The following EIF2A variants were observed in gnomAD, a reference collection of about 807,000 sequenced individuals.
EIF2A encodes 65 kDa eukaryotic translation initiation factor 2A.
Under a neutral mutation model 75.2 loss-of-function variants are expected in EIF2A, and 62 were observed. The observed-to-expected ratio is 0.82, with a 90% CI of 0.67 to 1.02. EIF2A has a LOEUF of 1.02. Ranked by LOEUF, EIF2A falls within the 50% of genes least tolerant of loss-of-function variation. The pLI is 0.00. For synonymous variants in EIF2A, 207 were observed against 239.0 expected, an observed-to-expected ratio of 0.87 and a Z score of 1.23; for missense variants, 611 against 677.7, an observed-to-expected ratio of 0.90 and a Z score of 1.09.
chr3:150,572,753 A>G (rs1434321925), intron 10 of EIF2A, among the ~76,000 whole-genome samples: 2 of 151,466 alleles, frequency 1.3e-5, no homozygotes, highest in African/African-American at 4.8e-5. Flanking sequence ...CTACTCGGGA[A>G]GCTGAGGCAG....
chr3:150,556,318 A>C (rs1723568811), intron 2 of EIF2A, among the ~76,000 whole-genome samples: 1 of 152,148 alleles, frequency 6.6e-6, no homozygotes, highest in African/African-American at 2.4e-5. Flanking sequence ...TCTTCTACGA[A>C]AGTTAAAAAA....
intron 9 of EIF2A, among the ~76,000 whole-genome samples, chr3:150,569,516 G>A (rs1724385032): frequency 6.6e-6 from 1 of 152,020 alleles, no homozygotes; most frequent in Admixed American, 6.6e-5. Context: ...GAAGAGCAGG[G>A]CAGGGGAAGT....
intron 1 of EIF2A, among the ~76,000 whole-genome samples, chr3:150,547,483 G>A (rs909900856): frequency 6.6e-6 from 1 of 152,184 alleles, no homozygotes; most frequent in African/African-American, 2.4e-5. Context: ...AGTGTTGGAG[G>A]AGATAATAAA....
chr3:150,569,387 T>C (rs552047474), intron 9 of EIF2A, among the ~76,000 whole-genome samples: 60 of 151,894 alleles, frequency 4.0e-4, no homozygotes, highest in African/African-American at 1.3e-3. Context: ...ATTTCTCTCT[T>C]GTCAGTCTAA....
intron 2 of EIF2A, among the ~76,000 whole-genome samples, chr3:150,555,296 G>A (rs1482421278): frequency 6.6e-6 from 1 of 151,606 alleles, no homozygotes; most frequent in Admixed American, 6.6e-5. Flanking sequence ...CACTCTTGTT[G>A]CCCAGGCTGG....
At position 150,573,836 on chromosome 3, in the gene EIF2A, T is replaced by C. The variant is rs190515188; in HGVS notation, c.1383+1307T>C. ...GGGGTTCGTCCCTCACAGAAAAAAGTTTTTTATAAGTAAAAATTTATATAT... is the reference window on the plus strand; with the variant it reads ...GGGGTTCGTCCCTCACAGAAAAAAGCTTTTTATAAGTAAAAATTTATATAT... On this transcript the variant is annotated intron_variant, in intron 10 of 13. Coordinates refer to ENST00000460851, the MANE Select transcript of EIF2A (RefSeq NM_032025.5). Among the ~76,000 whole-genome samples, 388 of 152,178 alleles carry C rather than the reference T, an allele frequency of 2.5e-3. 2 individuals carry two copies. The highest frequency in any genetic ancestry group is 0.023 in the Admixed American group (356 of 15,276).
intron 1 of EIF2A, among the ~76,000 whole-genome samples, chr3:150,550,305 A>G (rs1723250379): frequency 6.6e-6 from 1 of 152,228 alleles, no homozygotes; most frequent in Non-Finnish European, 1.5e-5. Context: ...ACTTGTAACT[A>G]AAAAGGATTC....
At position 150,562,161 on chromosome 3, in the gene EIF2A, G is replaced by A. The variant is rs540253873; in HGVS notation, c.174-381G>A. On this transcript the variant is annotated intron_variant, in intron 3 of 13. Transcript: ENST00000460851. ...TTTTGGGCTGGGCATGGTGGCTCACGCCTGTAATCCCAGCACTTTGGGAGG... is the reference window on the plus strand; with the variant it reads ...TTTTGGGCTGGGCATGGTGGCTCACACCTGTAATCCCAGCACTTTGGGAGG... Among the ~76,000 whole-genome samples, 4 of 151,870 alleles carry A rather than the reference G, an allele frequency of 2.6e-5. No homozygotes were observed. The East Asian group carries it at 5.8e-4, about 22-fold the overall frequency.
Position 150,572,484 on chromosome 3 carries a change from T to C in EIF2A, c.1338T>C (p.Tyr446=), listed in dbSNP as rs746362701. ...AGGAACCTAAAGTTGCAACAGCTTA[T>C]AGACCCCCAGCTTTAAGAAATAAAC... ...PNEEPKVATA[Y]RPPALRNKPI... Residue 446 remains tyrosine, a synonymous_variant, in exon 10 of 14, where the codon TAT becomes TAC. Transcript: ENST00000460851. 6 of 1,613,614 alleles carry C rather than the reference T, an allele frequency of 3.7e-6. No individual in the cohort carries two copies. The South Asian group carries it at 4.4e-5, about 12-fold the overall frequency.
At chr3:150,567,607 T>C in intron 6 of EIF2A, 86 bp from the exon 7 acceptor site, 1 of 915,814 alleles carries the variant, frequency 1.1e-6, no homozygotes, top group Non-Finnish European at 1.7e-6. Context: ...TGTGTAGTTA[T>C]AGTGATCTTT....
intron 3 of EIF2A, among the ~76,000 whole-genome samples, chr3:150,559,669 T>C (rs1179387984): frequency 6.6e-6 from 1 of 152,026 alleles, no homozygotes; most frequent in Non-Finnish European, 1.5e-5. Flanking sequence ...TTTTGTATTT[T>C]TAGTAGAGAT....
chr3:150,555,582 A>G (rs1470708933), intron 2 of EIF2A, among the ~76,000 whole-genome samples: 40 of 151,310 alleles, frequency 2.6e-4, no homozygotes, highest in Non-Finnish European at 8.9e-5. Context: ...ATGTTTGAGA[A>G]GCACTACTCT....
rs1723942825 is a variant in EIF2A at position 150,562,536 on chromosome 3, A to T, written c.174-6A>T. On this transcript the variant is annotated splice_region_variant and splice_polypyrimidine_tract_variant and intron_variant, in intron 3 of 13. Coordinates refer to ENST00000460851, the MANE Select transcript of EIF2A (RefSeq NM_032025.5). Reference sequence around the variant, plus strand: ...TCATTGCTGAAATAATTTCTTTTGAAACCAGAGTAAATATTATCAGTGTCA... The same window carrying T: ...TCATTGCTGAAATAATTTCTTTTGATACCAGAGTAAATATTATCAGTGTCA... 1 of 1,604,238 alleles carries T rather than the reference A, an allele frequency of 6.2e-7. No individual in the cohort carries two copies. Among genetic ancestry groups the T allele is most frequent in the African/African-American group, 1.3e-5 (1 of 74,768 alleles).
At chr3:150,573,307 C>T (rs913579078) in intron 10 of EIF2A, among the ~76,000 whole-genome samples, 5 of 152,302 alleles carry the variant, frequency 3.3e-5, no homozygotes, top group African/African-American at 1.2e-4. Flanking sequence ...GGCTGGAGTG[C>T]AGTGGCGCGA....
chr3:150,563,471 A>G (rs1298190954), intron 4 of EIF2A, 44 bp from the exon 5 acceptor site: 1 of 1,438,502 alleles, frequency 7.0e-7, no homozygotes, highest in African/African-American at 1.4e-5. Context: ...ATCCCTTTAC[A>G]AATGTTACAA....
intron 12 of EIF2A, among the ~76,000 whole-genome samples, chr3:150,582,103 C>G (rs903523388): frequency 1.3e-5 from 2 of 151,930 alleles, no homozygotes; most frequent in Non-Finnish European, 2.9e-5. Flanking sequence ...CAGGTTCAAG[C>G]GATTCTCCTG....
chr3:150,583,601 G>A (rs1241859170), intron 13 of EIF2A, among the ~76,000 whole-genome samples: 2 of 152,106 alleles, frequency 1.3e-5, no homozygotes, highest in Non-Finnish European at 2.9e-5. Flanking sequence ...CTGTCAACAT[G>A]TTTAAGCCCG....
intron 9 of EIF2A, among the ~76,000 whole-genome samples, chr3:150,568,706 A>T (rs1043494195): frequency 6.6e-6 from 1 of 152,202 alleles, no homozygotes; most frequent in Non-Finnish European, 1.5e-5. Flanking sequence ...ATTTGAACTC[A>T]GGAGTTCAAG....
At chr3:150,577,540 A>G (rs1482418138) in intron 11 of EIF2A, among the ~76,000 whole-genome samples, 2 of 150,828 alleles carry the variant, frequency 1.3e-5, no homozygotes, top group Non-Finnish European at 3.0e-5. Flanking sequence ...GGTTATCGCT[A>G]TGTTTTTCAA....
Sources: allele counts gnomAD v4.1 joint callset (sites outside exome capture counted in the v4.1 genomes callset), GRCh38; gene constraint gnomAD v4.1.1; transcripts MANE v1.5; gene names NCBI Gene and HGNC (gene_info 2026-07-23, HGNC 2026-07-21).